The following CDH8 variants were observed in gnomAD, a reference collection of about 807,000 sequenced individuals.
CDH8 encodes cadherin-8.
CDH8 carries 17 observed loss-of-function variants against 68.1 expected under a neutral mutation model. The observed-to-expected ratio is 0.25, with a 90% confidence interval of 0.17 to 0.37. The LOEUF (loss-of-function observed/expected upper bound fraction) is 0.37, where lower values mean the gene tolerates loss of function less well. Ranked by LOEUF, CDH8 falls within the 10% of genes least tolerant of loss-of-function variation. The pLI, the probability that CDH8 is intolerant of heterozygous loss-of-function variation, is 1.00. For missense variants in CDH8, 763 were observed against 999.3 expected (o/e 0.76, Z 3.19); for synonymous variants, 372 against 365.1 (o/e 1.02, Z -0.21).
Position 61,948,003 on chromosome 16 carries a change from A to G in CDH8, c.253-46530T>C, listed in dbSNP as rs1233855801. ...TCTCCATTAAATCTTCCCTGACCCT[A>G]TTTCTGTCCTGGACTAGTTATCCAA... On this transcript the variant is annotated intron_variant, in intron 2 of 11. Coordinates refer to ENST00000577390, the MANE Select transcript of CDH8 (RefSeq NM_001796.5). Among the ~76,000 whole-genome samples the G allele has an allele frequency of 2.0e-5, 3 of 152,072 alleles. 1 individual carries two copies. In the East Asian group the frequency reaches 5.8e-4, roughly 29 times the overall value.
intron 9 of CDH8, among the ~76,000 whole-genome samples, chr16:61,723,148 G>A: frequency 6.6e-6 from 1 of 150,766 alleles, no homozygotes; most frequent in Non-Finnish European, 1.5e-5. Context: ...TTCTGTATAT[G>A]GTAACCAAGA....
chr16:61,769,560 T>C (rs1960725624), intron 8 of CDH8, among the ~76,000 whole-genome samples: 1 of 151,766 alleles, frequency 6.6e-6, no homozygotes, highest in Admixed American at 6.6e-5. Flanking sequence ...AAAAAAAACT[T>C]AGTAGTTGTC....
chr16:61,850,065 T>C (rs960073674), intron 4 of CDH8, among the ~76,000 whole-genome samples: 6 of 152,106 alleles, frequency 3.9e-5, no homozygotes, highest in African/African-American at 1.4e-4. Context: ...TTTGTGTTGC[T>C]ATAAAGGAAT....
intron 2 of CDH8, among the ~76,000 whole-genome samples, chr16:61,993,661 G>A (rs1965764107): frequency 6.6e-6 from 1 of 152,096 alleles, no homozygotes. Flanking sequence ...ACAGCCCCCT[G>A]TCCTCCAGTT....
intron 3 of CDH8, among the ~76,000 whole-genome samples, chr16:61,871,020 G>A (rs1318739921): frequency 2.0e-5 from 3 of 151,964 alleles, no homozygotes; most frequent in Non-Finnish European, 2.9e-5. Context: ...ATAGGTACTC[G>A]ATAAATGTTT....
chr16:61,856,690 GTATT>G (rs1217254318), intron 4 of CDH8, among the ~76,000 whole-genome samples: 1 of 152,040 alleles, frequency 6.6e-6, no homozygotes, highest in African/African-American at 2.4e-5. Context: ...TGTGTGTTTG[GTATT>G]TATTGTTTTA....
chr16:62,019,161 C>T (rs566311679), intron 2 of CDH8, among the ~76,000 whole-genome samples: 1 of 152,152 alleles, frequency 6.6e-6, no homozygotes, highest in African/African-American at 2.4e-5. Context: ...GGTATAAGAA[C>T]GCCTTGCCTT....
chr16:61,729,362 G>T (rs1959471837), intron 8 of CDH8, among the ~76,000 whole-genome samples: 1 of 151,090 alleles, frequency 6.6e-6, no homozygotes, highest in South Asian at 2.1e-4. Flanking sequence ...TTATAAATTT[G>T]TTACAAATAC....
At chr16:61,691,054 C>A (rs1427975785) in intron 10 of CDH8, among the ~76,000 whole-genome samples, 2 of 152,018 alleles carry the variant, frequency 1.3e-5, no homozygotes, top group Non-Finnish European at 2.9e-5. Context: ...CCAAGCTGCT[C>A]CCATTATCTT....
chr16:61,954,728 A>T (rs1567543071), intron 2 of CDH8, among the ~76,000 whole-genome samples: 2 of 151,912 alleles, frequency 1.3e-5, no homozygotes, highest in Non-Finnish European at 2.9e-5. Context: ...GAAAGAAAGA[A>T]AGAAAGATAA....
In CDH8 at chr16:61,916,193, G is replaced by A. The variant is rs144099080; in HGVS notation, c.253-14720C>T. Among the ~76,000 whole-genome samples the A allele has an allele frequency of 9.2e-5, 14 of 152,144 alleles. 1 individual carries two copies. The highest frequency in any genetic ancestry group is 5.8e-4 in the East Asian group (3 of 5,152). ...AAAATAGATGCATATGTGCATTCAC[G>A]ACTTCTTTATCCACTCTGATTATTA... On this transcript the variant is annotated intron_variant, in intron 2 of 11. Coordinates refer to ENST00000577390, the MANE Select transcript of CDH8 (RefSeq NM_001796.5).
intron 3 of CDH8, among the ~76,000 whole-genome samples, chr16:61,879,217 CA>C (rs957578496): frequency 4.6e-5 from 7 of 152,114 alleles, no homozygotes; most frequent in African/African-American, 1.7e-4. Flanking sequence ...ATTGAATCAT[CA>C]AGTAAAAGAA....
intron 3 of CDH8, among the ~76,000 whole-genome samples, chr16:61,878,339 A>C (rs1963502323): frequency 6.6e-6 from 1 of 152,172 alleles, no homozygotes; most frequent in Non-Finnish European, 1.5e-5. Flanking sequence ...CTACCTTAAA[A>C]GTGGTTGTTA....
At chr16:61,904,894 C>A (rs1964037622) in intron 2 of CDH8, among the ~76,000 whole-genome samples, 1 of 152,228 alleles carries the variant, frequency 6.6e-6, no homozygotes, top group Non-Finnish European at 1.5e-5. Context: ...AACATATCCA[C>A]CCAGAACCCT....
intron 10 of CDH8, among the ~76,000 whole-genome samples, chr16:61,668,714 T>C (rs1184683542): frequency 6.6e-6 from 1 of 151,058 alleles, no homozygotes; most frequent in African/African-American, 2.4e-5. Context: ...TGGAATTTCT[T>C]GTGACAATTT....
At chr16:61,680,215 C>G (rs543292293) in intron 10 of CDH8, among the ~76,000 whole-genome samples, 3 of 152,084 alleles carry the variant, frequency 2.0e-5, no homozygotes, top group African/African-American at 7.2e-5. Context: ...GTCCATTACT[C>G]TAATAAACAA....
intron 8 of CDH8, among the ~76,000 whole-genome samples, chr16:61,745,789 A>C (rs1156739320): frequency 1.3e-5 from 2 of 151,850 alleles, no homozygotes; most frequent in African/African-American, 4.8e-5. Context: ...ATATATTCTT[A>C]GTTGGAAAAT....
chr16:61,857,256 GA>G lies in CDH8; in HGVS notation c.548-19del. ...AGATGTACCTAATAAAATAGAGAAA[GA>G]AAAAAGATAATAATTAACACATTGT... On this transcript the variant is annotated intron_variant, in intron 3 of 11. Coordinates refer to ENST00000577390, the MANE Select transcript of CDH8 (RefSeq NM_001796.5). The G allele has an allele frequency of 6.2e-7, 1 of 1,600,204 alleles. No homozygotes were observed. The highest frequency in any genetic ancestry group is 2.3e-5 in the East Asian group (1 of 44,422).
chr16:61,761,009 T>G (rs948462759), intron 8 of CDH8, among the ~76,000 whole-genome samples: 1 of 152,162 alleles, frequency 6.6e-6, no homozygotes, highest in Non-Finnish European at 1.5e-5. Flanking sequence ...TGAAAATTAT[T>G]TTCCTCAAAG....
Sources: gnomAD v4.1 joint callset for allele counts (sites outside exome capture counted in the v4.1 genomes callset) on GRCh38, gnomAD v4.1.1 for gene constraint, MANE v1.5 for transcripts, NCBI Gene and HGNC (gene_info 2026-07-23, HGNC 2026-07-21) for gene names.